EYS: variants seen among roughly 807,000 people sequenced by gnomAD.
EYS encodes protein eyes shut homolog.
In EYS, 250 loss-of-function variants were observed where a neutral mutation model predicts 282.1. That is an observed-to-expected ratio of 0.89 (90% CI 0.80 to 0.98). The LOEUF is 0.98. EYS is among the 50% of genes least tolerant of loss of function. The pLI, the probability that EYS is intolerant of heterozygous loss-of-function variation, is 0.00. For missense variants in EYS, 4,016 were observed against 3,709.0 expected, an observed-to-expected ratio of 1.08 and a Z score of -2.15; for synonymous variants, 1,355 against 1,282.9, an observed-to-expected ratio of 1.06 and a Z score of -1.20.
chr6:65,362,057 C>T (rs1562122631), intron 8 of EYS, among the ~76,000 whole-genome samples: 1 of 81,090 alleles, frequency 1.2e-5, no homozygotes, highest in Non-Finnish European at 2.8e-5. Flanking sequence ...CCCATATTTT[C>T]ATTTATTTCC....
intron 26 of EYS, among the ~76,000 whole-genome samples, chr6:64,570,621 G>A (rs1765694483): frequency 6.6e-6 from 1 of 151,990 alleles, no homozygotes; most frequent in Non-Finnish European, 1.5e-5. Flanking sequence ...AAAAAAAGCA[G>A]GGATTGCAAT....
intron 1 of EYS, among the ~76,000 whole-genome samples, chr6:65,654,978 TAAAAAA>T (rs36088825): frequency 3.8e-4 from 38 of 99,910 alleles, no homozygotes; most frequent in Non-Finnish European, 6.5e-4. Context: ...GGTCATTCAT[TAAAAAA>T]AAAAAAAAAA....
intron 31 of EYS, among the ~76,000 whole-genome samples, chr6:64,169,362 G>A (rs1031112309): frequency 6.6e-6 from 1 of 151,070 alleles, no homozygotes; most frequent in Non-Finnish European, 1.5e-5. Context: ...GGAAGGCTGA[G>A]ATTGAGAGGG....
At chr6:64,448,635 C>T (rs1372571345) in intron 26 of EYS, among the ~76,000 whole-genome samples, 6 of 152,140 alleles carry the variant, frequency 3.9e-5, no homozygotes, top group Non-Finnish European at 7.4e-5. Flanking sequence ...TCTCACACAG[C>T]CGGGTACTCC....
intron 12 of EYS, among the ~76,000 whole-genome samples, chr6:65,142,265 A>G (rs1764365679): frequency 6.6e-6 from 1 of 151,910 alleles, no homozygotes; most frequent in Non-Finnish European, 1.5e-5. Context: ...AAAGCTTAAA[A>G]TTATCTAATG....
intron 12 of EYS, among the ~76,000 whole-genome samples, chr6:65,180,589 C>T: frequency 6.6e-6 from 1 of 152,100 alleles, no homozygotes. Context: ...ATTCTATGCT[C>T]ATGGGTAGGA....
chr6:65,687,322 A>G (rs1769058928), intron 1 of EYS, among the ~76,000 whole-genome samples: 1 of 152,142 alleles, frequency 6.6e-6, no homozygotes, highest in South Asian at 2.1e-4. Flanking sequence ...CTATAAACAT[A>G]ACAGTCCAGT....
At chr6:64,534,484 A>C (rs1286298612) in intron 26 of EYS, among the ~76,000 whole-genome samples, 7 of 152,126 alleles carry the variant, frequency 4.6e-5, no homozygotes, top group African/African-American at 1.7e-4. Flanking sequence ...TCATTCAATA[A>C]ATAAGCCAAA....
At chr6:65,177,572 C>T (rs934402283) in intron 12 of EYS, among the ~76,000 whole-genome samples, 1 of 151,754 alleles carries the variant, frequency 6.6e-6, no homozygotes, top group African/African-American at 2.4e-5. Flanking sequence ...AGTTTGTTCT[C>T]TTTCCAATTC....
intron 2 of EYS, among the ~76,000 whole-genome samples, chr6:65,588,722 TGTATAAAAATAAATGAAACA>T (rs1004735364): frequency 6.6e-6 from 1 of 152,082 alleles, no homozygotes; most frequent in African/African-American, 2.4e-5. Context: ...TTGACACATT[TGTATAAAAATAAATGAAACA>T]GTATTCATCA....
intron 12 of EYS, among the ~76,000 whole-genome samples, chr6:65,117,236 A>G (rs1004052945): frequency 5.9e-5 from 9 of 152,210 alleles, no homozygotes; most frequent in Non-Finnish European, 1.2e-4. Flanking sequence ...TGAATGAATG[A>G]AAACTGCTTT....
At chr6:64,234,099 A>G (rs1223240969) in intron 30 of EYS, among the ~76,000 whole-genome samples, 3 of 152,222 alleles carry the variant, frequency 2.0e-5, no homozygotes, top group Admixed American at 2.0e-4. Flanking sequence ...AATATTAAAA[A>G]GAAACAAACG....
intron 12 of EYS, among the ~76,000 whole-genome samples, chr6:65,065,877 C>T (rs1487178804): frequency 1.3e-5 from 2 of 152,172 alleles, no homozygotes; most frequent in Non-Finnish European, 2.9e-5. Context: ...TTATGGTTTT[C>T]CTATGGTCCT....
intron 2 of EYS, among the ~76,000 whole-genome samples, chr6:65,602,264 ATAGTT>A (rs1488823186): frequency 1.1e-4 from 17 of 152,062 alleles, no homozygotes; most frequent in Admixed American, 2.6e-4. Flanking sequence ...ATGTGAAACT[ATAGTT>A]TAGAACTCTC....
At chr6:63,929,606 G>A (rs1378891779) in intron 35 of EYS, among the ~76,000 whole-genome samples, 1 of 152,160 alleles carries the variant, frequency 6.6e-6, no homozygotes, top group Non-Finnish European at 1.5e-5. Flanking sequence ...TCTGTCAGCT[G>A]CTTCGAAAGG....
intron 10 of EYS, among the ~76,000 whole-genome samples, chr6:65,336,715 T>C (rs1582155457): frequency 6.6e-6 from 1 of 150,472 alleles, no homozygotes; most frequent in East Asian, 1.9e-4. Flanking sequence ...AAATAATATC[T>C]TTCACACATG....
At chr6:65,694,502 A>T (rs1249784138) in intron 1 of EYS, among the ~76,000 whole-genome samples, 1 of 149,926 alleles carries the variant, frequency 6.7e-6, no homozygotes, top group Non-Finnish European at 1.5e-5. Context: ...TTTAAACTAA[A>T]TTACTCCTTC....
chr6:64,955,041 A>T (rs9453129), intron 14 of EYS, among the ~76,000 whole-genome samples: 4 of 151,938 alleles, frequency 2.6e-5, no homozygotes, highest in African/African-American at 9.7e-5. Flanking sequence ...TTAGCCGGGC[A>T]TGGTGGCAGG....
intron 12 of EYS, among the ~76,000 whole-genome samples, chr6:65,214,666 C>T (rs969447145): frequency 6.6e-6 from 1 of 152,100 alleles, no homozygotes; most frequent in Non-Finnish European, 1.5e-5. Context: ...GACAAAAAAG[C>T]CTTATATTGG....
Sources: gnomAD v4.1 joint callset for allele counts (sites outside exome capture counted in the v4.1 genomes callset) on GRCh38, gnomAD v4.1.1 for gene constraint, MANE v1.5 for transcripts, NCBI Gene and HGNC (gene_info 2026-07-23, HGNC 2026-07-21) for gene names.